DSG1: variants seen among roughly 807,000 people sequenced by gnomAD.
DSG1 encodes desmoglein 1.
DSG1 carries 39 observed loss-of-function variants against 97.5 expected under a neutral mutation model. The ratio of observed to expected loss-of-function variants is 0.40; its 90% confidence interval spans 0.31 to 0.52. The LOEUF (loss-of-function observed/expected upper bound fraction) is 0.52, where lower values mean the gene tolerates loss of function less well. Among genes scored for constraint, DSG1 ranks in the 20% least tolerant of loss-of-function variants. The pLI is 0.53. For missense variants in DSG1, 1,311 were observed against 1,295.4 expected, an observed-to-expected ratio of 1.01 and a Z score of -0.18; for synonymous variants, 475 against 443.4, an observed-to-expected ratio of 1.07 and a Z score of -0.90.
Position 31,336,429 on chromosome 18 carries a change from A to G in DSG1, c.1081A>G (p.Ile361Val), listed in dbSNP as rs138644777. The G allele has an allele frequency of 1.8e-5, 29 of 1,613,932 alleles. No individual in the cohort carries two copies. Among genetic ancestry groups the G allele is most frequent in the African/African-American group, 4.0e-5 (3 of 75,046 alleles). Residue 361 changes from isoleucine (I) to valine (V), a missense_variant, in exon 9 of 15, where the codon ATT becomes GTT. Transcript: ENST00000257192. ...AAATAAAGCTGAATTTCATCATTCA[A>G]TTATGTCTCAATATAAACTGAAAGC... The part of the protein sequence containing the change: ...VRNKAEFHHS[I>V]MSQYKLKASA...
intron 14 of DSG1, among the ~76,000 whole-genome samples, chr18:31,350,179 G>C (rs1240918820): frequency 3.6e-4 from 40 of 110,880 alleles, no homozygotes; most frequent in African/African-American, 1.6e-3. Context: ...TAGCATGAAG[G>C]GTTGTTGAAT....
intron 14 of DSG1, among the ~76,000 whole-genome samples, chr18:31,350,593 G>A (rs1402715157): frequency 6.7e-6 from 1 of 148,948 alleles, no homozygotes; most frequent in East Asian, 2.0e-4. Flanking sequence ...GAATCCATCT[G>A]GTCCTGGACT....
chr18:31,340,180 A>G (rs555271125), intron 11 of DSG1, among the ~76,000 whole-genome samples, 155 bp downstream of exon 11: 1 of 152,260 alleles, frequency 6.6e-6, no homozygotes, highest in African/African-American at 2.4e-5. Flanking sequence ...TTATAAGATG[A>G]AAAAATTAAA....
At chr18:31,335,371 A>C (rs2144097595) in intron 8 of DSG1, among the ~76,000 whole-genome samples, 1 of 152,272 alleles carries the variant, frequency 6.6e-6, no homozygotes, top group South Asian at 2.1e-4. Context: ...GGGAAATTGG[A>C]GTCTAATCTA....
chr18:31,340,021 A>T lies in DSG1; in HGVS notation c.1683A>T (p.Leu561Phe), dbSNP rs771186697. 1 of 1,614,034 alleles carries T rather than the reference A, an allele frequency of 6.2e-7. No individual in the cohort carries two copies. Among genetic ancestry groups the T allele is most frequent in the South Asian group, 1.1e-5 (1 of 91,080 alleles). The change falls in exon 11 of 15, where the codon TTA becomes TTT. Residue 561 changes from leucine (L) to phenylalanine (F), a missense_variant. Transcript: ENST00000257192. Reference sequence around the variant, plus strand: ...TCCTCATCATGGGATTCTTGGTCTTAGGATGTAAGTACTTTAGCAATCCTA... The same window carrying T: ...TCCTCATCATGGGATTCTTGGTCTTTGGATGTAAGTACTTTAGCAATCCTA... ...IGLLIMGFLV[L>F]GLVPFLMICC...
Position 31,336,339 on chromosome 18 carries a change from C to T in DSG1, c.1006-15C>T, listed in dbSNP as rs368400818. On this transcript the variant is annotated splice_polypyrimidine_tract_variant and intron_variant, in intron 8 of 14. Coordinates refer to ENST00000257192, the MANE Select transcript of DSG1 (RefSeq NM_001942.4). ...ATTTTCTTATAATGAAACTATTTTA[C>T]TCTGTATTTTCTAGCCCTTAGATTA... is the stretch of plus-strand genomic sequence containing the variant. The T allele has an allele frequency of 1.6e-5, 25 of 1,609,400 alleles. No individual in the cohort carries two copies. In the African/African-American group the frequency reaches 3.2e-4, roughly 21 times the overall value.
At chr18:31,335,829 AAT>A (rs1298017753) in intron 8 of DSG1, among the ~76,000 whole-genome samples, 2 of 150,530 alleles carry the variant, frequency 1.3e-5, no homozygotes, top group African/African-American at 4.9e-5. Flanking sequence ...TGTTGAAGAA[AAT>A]AGATTTATTT....
chr18:31,342,082 C>T (rs2071793246), intron 11 of DSG1, among the ~76,000 whole-genome samples: 2 of 152,058 alleles, frequency 1.3e-5, no homozygotes, highest in African/African-American at 2.4e-5. Context: ...TACCCATGTG[C>T]ACCACCACAC....
rs1272202543 is a variant in DSG1, at chr18:31,351,144, G to A, written c.2101-3153G>A. ...TCCCTCTACACACTGCTTTGAATGC[G>A]TCCCAGAGATTCTGGTATGTTGTGT... is the stretch of plus-strand genomic sequence containing the variant. On this transcript the variant is annotated intron_variant, in intron 14 of 14. Coordinates refer to ENST00000257192, the MANE Select transcript of DSG1 (RefSeq NM_001942.4). Among the ~76,000 whole-genome samples, 63 of 146,210 alleles carry A rather than the reference G, an allele frequency of 4.3e-4. 2 individuals carry two copies. In the South Asian group the frequency reaches 8.9e-3, roughly 21 times the overall value.
intron 11 of DSG1, among the ~76,000 whole-genome samples, chr18:31,342,751 G>A (rs115201982): frequency 0.021 from 3,206 of 152,180 alleles, 116 homozygotes; most frequent in African/African-American, 0.073. Flanking sequence ...ATATGTTAAA[G>A]GAAGACAATA....
At chr18:31,333,812 T>C (rs2071735286) in intron 7 of DSG1, 89 bp downstream of exon 7, 24 of 1,507,796 alleles carry the variant, frequency 1.6e-5, no homozygotes, top group Non-Finnish European at 2.2e-5. Context: ...GCACATGTTA[T>C]GTTTATTGAC....
chr18:31,346,223 T>C, intron 14 of DSG1, 25 bp downstream of exon 14: 1 of 1,584,894 alleles, frequency 6.3e-7, no homozygotes, highest in Non-Finnish European at 8.7e-7. Context: ...CACATGCCTT[T>C]CTCGCCATCC....
At chr18:31,349,401 A>G (rs1389567070) in intron 14 of DSG1, among the ~76,000 whole-genome samples, 1 of 150,832 alleles carries the variant, frequency 6.6e-6, no homozygotes, top group African/African-American at 2.5e-5. Flanking sequence ...AGGTAGTGTG[A>G]TGCCTCCAGC....
chr18:31,354,809 A>T lies in DSG1; in HGVS notation c.2613A>T (p.Pro871=), dbSNP rs36039798. ...TAGTGACAGAGAGAGTGGTCGGCCCAATCTCTGGCGCTGATTTGCATGGAA... is the reference window on the plus strand; with the variant it reads ...TAGTGACAGAGAGAGTGGTCGGCCCTATCTCTGGCGCTGATTTGCATGGAA... ...NVVVTERVVG[P]ISGADLHGML... Residue 871 remains proline, a synonymous_variant, in exon 15 of 15, where the codon CCA becomes CCT. Coordinates refer to ENST00000257192, the MANE Select transcript of DSG1 (RefSeq NM_001942.4). The T allele has an allele frequency of 4.3e-4, 698 of 1,614,150 alleles. 2 individuals carry two copies. In the African/African-American group the frequency reaches 8.4e-3, roughly 19 times the overall value.
intron 6 of DSG1, 30 bp downstream of exon 6, chr18:31,331,897 G>A: frequency 6.2e-7 from 1 of 1,602,482 alleles, no homozygotes. Context: ...TGGGTTTTTG[G>A]TCTCAAAGGA....
chr18:31,334,695 T>C (rs2071741195), intron 8 of DSG1, among the ~76,000 whole-genome samples: 1 of 152,130 alleles, frequency 6.6e-6, no homozygotes. Context: ...ATTATCACAC[T>C]CCCATCTCAC....
intron 5 of DSG1, 64 bp downstream of exon 5, chr18:31,330,100 A>G: frequency 6.4e-7 from 1 of 1,556,902 alleles, no homozygotes; most frequent in Non-Finnish European, 8.9e-7. Context: ...AGACTAAACT[A>G]TGTCAAAGTA....
In DSG1 at chr18:31,355,231, T is replaced by C. The variant is rs777952219; in HGVS notation, c.3035T>C (p.Ile1012Thr). The change falls in exon 15 of 15, where the codon ATT (isoleucine) becomes ACT (threonine). Residue 1012 changes from isoleucine (I) to threonine (T), a missense_variant. This residue lies in a region of DSG1 where 1,038 missense variants were observed against 964.6 expected (regional missense o/e 1.08). Transcript: ENST00000257192. Reference sequence around the variant, plus strand: ...AGCAGCTTGGGAGGGACAGCCAGCATTGGCCACATGAGGAGTTCCTCTGAC... The same window carrying C: ...AGCAGCTTGGGAGGGACAGCCAGCACTGGCCACATGAGGAGTTCCTCTGAC... The part of the protein sequence containing the change: ...GLSSLGGTAS[I>T]GHMRSSSDHH... The C allele has an allele frequency of 1.2e-6, 2 of 1,608,132 alleles. No homozygotes were observed. Among genetic ancestry groups the C allele is most frequent in the East Asian group, 2.2e-5 (1 of 44,774 alleles).
chr18:31,345,311 G>A (rs890927791), intron 13 of DSG1: 1 of 151,828 alleles, frequency 6.6e-6, no homozygotes, highest in Admixed American at 6.6e-5. Flanking sequence ...CCACGGTCCC[G>A]GCCATCATTT....
Sources: gnomAD v4.1 joint callset for allele counts (sites outside exome capture counted in the v4.1 genomes callset) on GRCh38, gnomAD v4.1.1 for gene constraint, gnomAD v4.1.1 regional missense constraint, MANE v1.5 for transcripts, NCBI Gene and HGNC (gene_info 2026-07-23, HGNC 2026-07-21) for gene names.